The following SPATA13 variants were observed in gnomAD, a reference collection of about 807,000 sequenced individuals.
SPATA13 encodes spermatogenesis-associated protein 13.
SPATA13 carries 50 observed loss-of-function variants against 104.0 expected under a neutral mutation model. That is an observed-to-expected ratio of 0.48 (90% CI 0.38 to 0.61). The LOEUF is 0.61. Ranked by LOEUF, SPATA13 falls within the 20% of genes least tolerant of loss-of-function variation. The pLI, the probability that SPATA13 is intolerant of heterozygous loss-of-function variation, is 0.00. For synonymous variants in SPATA13, 606 were observed against 667.5 expected (o/e 0.91, Z 1.42); for missense variants, 1,524 against 1,690.6 (o/e 0.90, Z 1.73).
chr13:24,048,006 T>A (rs13378404), intron 3 of SPATA13, among the ~76,000 whole-genome samples: 37,471 of 152,194 alleles, frequency 0.25, 5,108 homozygotes, highest in African/African-American at 0.36. Context: ...GATGTCCTTT[T>A]TGCCAAGGTC....
chr13:24,015,430 T>C (rs1195343534), intron 2 of SPATA13, among the ~76,000 whole-genome samples: 1 of 152,202 alleles, frequency 6.6e-6, no homozygotes, highest in Non-Finnish European at 1.5e-5. Flanking sequence ...TCAAAGTACA[T>C]GTGAGGAAAA....
chr13:24,016,502 A>G (rs1876718226), intron 2 of SPATA13, among the ~76,000 whole-genome samples: 1 of 152,228 alleles, frequency 6.6e-6, no homozygotes, highest in African/African-American at 2.4e-5. Flanking sequence ...GGCCACAACC[A>G]CAATGCTAGG....
At chr13:24,081,526 T>C (rs1879515934) in intron 3 of SPATA13, among the ~76,000 whole-genome samples, 1 of 151,180 alleles carries the variant, frequency 6.6e-6, no homozygotes, top group African/African-American at 2.4e-5. Flanking sequence ...AAAAAAAAGC[T>C]GGCCCAGTGT....
chr13:24,237,516 A>G (rs1566166658), intron 2 of SPATA13, among the ~76,000 whole-genome samples: 1 of 152,236 alleles, frequency 6.6e-6, no homozygotes. Context: ...GACAGAAAGT[A>G]GAGTAGTCAT....
intron 3 of SPATA13, among the ~76,000 whole-genome samples, chr13:24,107,659 C>T (rs1309076939): frequency 2.0e-5 from 3 of 152,194 alleles, no homozygotes; most frequent in Non-Finnish European, 4.4e-5. Context: ...ATGACAGCGC[C>T]TACGTCAGCT....
At chr13:24,061,763 A>G (rs2137754997) in intron 3 of SPATA13, among the ~76,000 whole-genome samples, 1 of 152,190 alleles carries the variant, frequency 6.6e-6, no homozygotes, top group Middle Eastern at 3.4e-3. Flanking sequence ...AAAATCATGG[A>G]TACTACCAGG....
chr13:24,085,500 GC>G (rs1452704900), intron 3 of SPATA13, among the ~76,000 whole-genome samples: 4 of 152,192 alleles, frequency 2.6e-5, no homozygotes, highest in Non-Finnish European at 5.9e-5. Context: ...TGGAAGCCCT[GC>G]CCTGTGGGGA....
intron 3 of SPATA13, among the ~76,000 whole-genome samples, chr13:24,106,365 C>T (rs1176233663): frequency 6.6e-6 from 1 of 152,214 alleles, no homozygotes; most frequent in Middle Eastern, 3.2e-3. Flanking sequence ...TCTTCCCCAT[C>T]TTTTATTTCT....
At chr13:24,082,392 C>T (rs1164494168) in intron 3 of SPATA13, among the ~76,000 whole-genome samples, 3 of 152,182 alleles carry the variant, frequency 2.0e-5, no homozygotes, top group African/African-American at 7.2e-5. Context: ...GCTGTGATGT[C>T]TGTGGCGGGG....
chr13:24,123,629 G>C lies in SPATA13; in HGVS notation c.-111-99190G>C. The C allele has an allele frequency of 2.5e-6, 4 of 1,604,956 alleles. No homozygotes were observed. In the Admixed American group the frequency reaches 6.7e-5, roughly 27 times the overall value. ...TAAACAAAAGTGTCTGGGCAGCAGT[G>C]GTAGGAGAAATGAAATCTTCAAACA... On this transcript the variant is annotated intron_variant, in intron 3 of 14. Coordinates refer to the SPATA13 transcript ENST00000424834.
At chr13:24,131,403 G>A (rs7337891) in intron 3 of SPATA13, among the ~76,000 whole-genome samples, 87,166 of 151,994 alleles carry the variant, frequency 0.57, 25,276 homozygotes, top group African/African-American at 0.63. Context: ...CCATCTACCC[G>A]AAGCATCTCT....
chr13:24,062,141 A>G (rs1203091133), intron 3 of SPATA13, among the ~76,000 whole-genome samples: 1 of 152,202 alleles, frequency 6.6e-6, no homozygotes, highest in Non-Finnish European at 1.5e-5. Context: ...TGTGAATTCT[A>G]ACAGGTCTGT....
At chr13:24,209,184 C>T (rs1208369431) in intron 1 of SPATA13, among the ~76,000 whole-genome samples, 2 of 152,078 alleles carry the variant, frequency 1.3e-5, no homozygotes, top group Admixed American at 6.6e-5. Context: ...TTCAGGAATT[C>T]GACTTGAACA....
intron 3 of SPATA13, among the ~76,000 whole-genome samples, chr13:24,103,502 A>AC (rs66540663): frequency 2.0e-5 from 3 of 148,454 alleles, no homozygotes; most frequent in Non-Finnish European, 4.5e-5. Context: ...AAAAAAAAAA[A>AC]CAAGAAAGAA....
At chr13:24,116,949 G>T (rs1302531745) in intron 3 of SPATA13, among the ~76,000 whole-genome samples, 1 of 152,210 alleles carries the variant, frequency 6.6e-6, no homozygotes, top group East Asian at 1.9e-4. Flanking sequence ...GCAGCTGTCT[G>T]CAAGCTGGGA....
At chr13:24,009,372 A>G (rs959775829) in intron 2 of SPATA13, among the ~76,000 whole-genome samples, 1 of 152,248 alleles carries the variant, frequency 6.6e-6, no homozygotes, top group Non-Finnish European at 1.5e-5. Flanking sequence ...GAAGGGATTC[A>G]TTCTGAGCCA....
chr13:24,265,679 C>G (rs981854874), intron 4 of SPATA13, among the ~76,000 whole-genome samples: 5 of 152,134 alleles, frequency 3.3e-5, no homozygotes, highest in African/African-American at 1.2e-4. Context: ...GCCCATCCTT[C>G]CGCCCATGTC....
chr13:24,249,412 T>C, intron 2 of SPATA13, 65 bp from the exon 3 acceptor site: 1 of 1,449,534 alleles, frequency 6.9e-7, no homozygotes, highest in Non-Finnish European at 9.1e-7. Flanking sequence ...AGGGAATGTA[T>C]GGCTTGTTCT....
chr13:23,987,001 C>CTGTGTGTGTGTGTG lies in SPATA13; in HGVS notation c.-147+3094_-147+3107dup, dbSNP rs113990315. 4.9e-3 allele frequency among the ~76,000 whole-genome samples: 690 copies of CTGTGTGTGTGTGTG among 141,506 alleles called. 3 individuals are homozygous for CTGTGTGTGTGTGTG. The highest frequency in any genetic ancestry group is 9.2e-3 in the South Asian group (39 of 4,222). The allele number at this position is 141,506 out of a possible 152,430, so 92.8% of individuals were successfully genotyped here. A position where few individuals can be genotyped will look rare whatever the true frequency, so the allele number is the denominator to read the frequency against. On this transcript the variant is annotated intron_variant, in intron 2 of 14. Transcript: ENST00000424834. ...TTATTTTAGAGGTGAATGGATATAT[C>CTGTGTGTGTGTGTG]TGTGTGTGTGTGTGTGTGTGTGTGT...
Sources: allele counts gnomAD v4.1 joint callset (sites outside exome capture counted in the v4.1 genomes callset), GRCh38; gene constraint gnomAD v4.1.1; transcripts MANE v1.5; gene names NCBI Gene and HGNC (gene_info 2026-07-23, HGNC 2026-07-21).